BMPER: variants seen among roughly 807,000 people sequenced by gnomAD.
The protein encoded by BMPER is BMP-binding endothelial regulator protein.
A neutral mutation model predicts 87.3 loss-of-function variants in BMPER; 45 were observed. The ratio of observed to expected loss-of-function variants is 0.52; its 90% CI spans 0.41 to 0.66. The LOEUF is 0.66. Ranked by LOEUF, BMPER falls within the 30% of genes least tolerant of loss-of-function variation. The probability of loss-of-function intolerance (pLI) is 0.00; values close to 1 mark genes in which losing one functional copy is unlikely to be tolerated. For synonymous variants in BMPER, 326 were observed against 316.2 expected (o/e 1.03, Z -0.33); for missense variants, 784 against 867.5 (o/e 0.90, Z 1.21).
intron 13 of BMPER, among the ~76,000 whole-genome samples, chr7:34,097,293 C>G (rs1003953743): frequency 7.2e-5 from 11 of 152,328 alleles, no homozygotes; most frequent in African/African-American, 2.6e-4. Flanking sequence ...AGCTGAGAGA[C>G]TGTTCTGTGA....
chr7:34,063,792 C>G (rs777231569), intron 11 of BMPER, among the ~76,000 whole-genome samples: 3 of 152,252 alleles, frequency 2.0e-5, no homozygotes, highest in Non-Finnish European at 4.4e-5. Flanking sequence ...AGAGTCTACA[C>G]TGATGAAGTT....
chr7:34,116,586 A>T (rs1488047639), intron 13 of BMPER, among the ~76,000 whole-genome samples: 1 of 152,258 alleles, frequency 6.6e-6, no homozygotes, highest in African/African-American at 2.4e-5. Flanking sequence ...TAAACATTTC[A>T]TTCTTTTTAC....
At chr7:34,014,761 A>T (rs189237930) in intron 6 of BMPER, among the ~76,000 whole-genome samples, 13 of 152,124 alleles carry the variant, frequency 8.5e-5, no homozygotes, top group African/African-American at 3.1e-4. Flanking sequence ...TATGTTCACT[A>T]AATAAAATAG....
intron 13 of BMPER, among the ~76,000 whole-genome samples, chr7:34,134,851 A>C (rs1583470323): frequency 6.6e-6 from 1 of 152,168 alleles, no homozygotes; most frequent in African/African-American, 2.4e-5. Context: ...CTCTACTAAA[A>C]GCAAGTATGT....
intron 13 of BMPER, among the ~76,000 whole-genome samples, chr7:34,142,699 C>T (rs1262162799): frequency 6.6e-6 from 1 of 152,132 alleles, no homozygotes; most frequent in African/African-American, 2.4e-5. Context: ...GAATTCTAAT[C>T]GTCTGTCTTC....
intron 6 of BMPER, among the ~76,000 whole-genome samples, chr7:33,994,574 C>T (rs986771215): frequency 6.6e-6 from 1 of 152,176 alleles, no homozygotes; most frequent in African/African-American, 2.4e-5. Context: ...CAGAAATCAC[C>T]CGTCTTCTGC....
chr7:33,998,160 G>A (rs950802711), intron 6 of BMPER, among the ~76,000 whole-genome samples: 33 of 152,252 alleles, frequency 2.2e-4, no homozygotes, highest in African/African-American at 7.7e-4. Flanking sequence ...CAAATACCAA[G>A]CATTTGATAT....
At chr7:34,147,959 T>C (rs577536859) in intron 14 of BMPER, among the ~76,000 whole-genome samples, 3 of 152,288 alleles carry the variant, frequency 2.0e-5, no homozygotes, top group African/African-American at 7.2e-5. Flanking sequence ...CTGTGCTGAA[T>C]TGAAGGCAAA....
chr7:34,019,890 G>C (rs943694246), intron 6 of BMPER, among the ~76,000 whole-genome samples: 3 of 151,898 alleles, frequency 2.0e-5, no homozygotes, highest in Non-Finnish European at 4.4e-5. Flanking sequence ...CACTTCACAG[G>C]AGGGGATCTG....
At chr7:34,081,447 C>T (rs1029557317) in intron 12 of BMPER, among the ~76,000 whole-genome samples, 14 of 152,194 alleles carry the variant, frequency 9.2e-5, no homozygotes, top group African/African-American at 3.1e-4. Context: ...TTATGTGCTC[C>T]GCACTTACGA....
At chr7:34,108,092 C>G (rs1488822240) in intron 13 of BMPER, among the ~76,000 whole-genome samples, 1 of 152,200 alleles carries the variant, frequency 6.6e-6, no homozygotes, top group Non-Finnish European at 1.5e-5. Context: ...CAGATTACAA[C>G]ATGGATCTGC....
chr7:34,076,668 A>G (rs1049838906), intron 11 of BMPER, among the ~76,000 whole-genome samples: 1 of 152,186 alleles, frequency 6.6e-6, no homozygotes, highest in Non-Finnish European at 1.5e-5. Context: ...ATCAGCAGGC[A>G]TGTAGAAGAG....
intron 13 of BMPER, among the ~76,000 whole-genome samples, chr7:34,133,289 G>T (rs958453746): frequency 2.0e-5 from 3 of 152,126 alleles, no homozygotes; most frequent in African/African-American, 7.2e-5. Context: ...CCAATGGCTG[G>T]TGATATAATT....
chr7:34,150,851 G>A (rs1314814693), intron 14 of BMPER, among the ~76,000 whole-genome samples: 1 of 152,178 alleles, frequency 6.6e-6, no homozygotes, highest in Non-Finnish European at 1.5e-5. Context: ...GTTGGTGTGT[G>A]TATGTAGCGA....
At chr7:34,006,251 T>C (rs1786731967) in intron 6 of BMPER, among the ~76,000 whole-genome samples, 1 of 152,210 alleles carries the variant, frequency 6.6e-6, no homozygotes, top group African/African-American at 2.4e-5. Context: ...TAGAAATCTA[T>C]ACACAATGCT....
intron 3 of BMPER, among the ~76,000 whole-genome samples, chr7:33,960,908 G>A (rs953503561): frequency 4.6e-5 from 7 of 152,174 alleles, no homozygotes; most frequent in Non-Finnish European, 7.4e-5. Context: ...AATTCACATT[G>A]TGCATGGAGA....
chr7:34,106,855 C>T (rs146010026), intron 13 of BMPER, among the ~76,000 whole-genome samples: 3 of 152,222 alleles, frequency 2.0e-5, no homozygotes, highest in African/African-American at 7.2e-5. Flanking sequence ...TGTTGTGCCT[C>T]AGGCCATTTT....
At chr7:34,083,933 G>T (rs1440516962) in intron 12 of BMPER, among the ~76,000 whole-genome samples, 2 of 149,196 alleles carry the variant, frequency 1.3e-5, no homozygotes, top group Non-Finnish European at 3.0e-5. Context: ...AAGTCATTTT[G>T]CTCTTTCCAG....
At chr7:33,938,278 T>A (rs535510006) in intron 3 of BMPER, among the ~76,000 whole-genome samples, 26 of 152,214 alleles carry the variant, frequency 1.7e-4, no homozygotes, top group Non-Finnish European at 2.8e-4. Flanking sequence ...CCAAGTTTAC[T>A]GGGTGGCAGA....
Sources: gnomAD v4.1 joint callset for allele counts (sites outside exome capture counted in the v4.1 genomes callset) on GRCh38, gnomAD v4.1.1 for gene constraint, MANE v1.5 for transcripts, NCBI Gene and HGNC (gene_info 2026-07-23, HGNC 2026-07-21) for gene names.